The following SYT1 variants were observed in gnomAD, a reference collection of about 807,000 sequenced individuals.
SYT1 encodes the protein synaptotagmin 1.
SYT1 carries 8 observed loss-of-function variants against 44.8 expected under a neutral mutation model. The ratio of observed to expected loss-of-function variants is 0.18; its 90% CI spans 0.10 to 0.32. The LOEUF (loss-of-function observed/expected upper bound fraction) is 0.32. Among genes scored for constraint, SYT1 ranks in the 10% least tolerant of loss-of-function variants. SYT1 has a pLI of 1.00. For synonymous variants in SYT1, 154 were observed against 188.8 expected (o/e 0.82, Z 1.51); for missense variants, 286 against 509.3 (o/e 0.56, Z 4.22).
intron 3 of SYT1, among the ~76,000 whole-genome samples, chr12:79,138,850 G>A (rs1458510457): frequency 6.6e-6 from 1 of 152,176 alleles, no homozygotes; most frequent in Non-Finnish European, 1.5e-5. Flanking sequence ...GGTGAGGCAA[G>A]TGTGCCACTT....
At chr12:78,896,326 G>T (rs1412648319) in intron 1 of SYT1, among the ~76,000 whole-genome samples, 3 of 151,644 alleles carry the variant, frequency 2.0e-5, no homozygotes, top group Non-Finnish European at 4.4e-5. Flanking sequence ...GTACTTGGAA[G>T]AAAGAATATA....
intron 3 of SYT1, among the ~76,000 whole-genome samples, chr12:79,192,590 G>A (rs1451843056): frequency 6.6e-6 from 1 of 152,086 alleles, no homozygotes; most frequent in Admixed American, 6.6e-5. Flanking sequence ...GGATGCAAAG[G>A]AGGAAGAGAC....
chr12:79,386,918 A>G (rs1249672745), intron 9 of SYT1, among the ~76,000 whole-genome samples: 1 of 152,110 alleles, frequency 6.6e-6, no homozygotes, highest in Non-Finnish European at 1.5e-5. Flanking sequence ...TCAACGTTAA[A>G]TTCACATATA....
At chr12:78,958,317 GT>G (rs139992453) in intron 1 of SYT1, among the ~76,000 whole-genome samples, 2 of 150,804 alleles carry the variant, frequency 1.3e-5, no homozygotes, top group Admixed American at 6.6e-5. Flanking sequence ...TCCTTGCCAT[GT>G]TTTTTTTTCT....
At chr12:79,399,952 G>C (rs954710766) in intron 9 of SYT1, among the ~76,000 whole-genome samples, 2 of 152,194 alleles carry the variant, frequency 1.3e-5, no homozygotes, top group Non-Finnish European at 2.9e-5. Context: ...TTTAAGAGAA[G>C]CTTCTAGAGA....
At chr12:79,427,648 A>G (rs1025832645) in intron 9 of SYT1, among the ~76,000 whole-genome samples, 2 of 152,204 alleles carry the variant, frequency 1.3e-5, no homozygotes, top group African/African-American at 4.8e-5. Flanking sequence ...GAGTCAAAGG[A>G]GTTTCCGTGA....
rs17046162 is a variant in SYT1 at position 78,986,130 on chromosome 12, G to A, written c.-84+8199G>A. ...TTCTAACTAGGAAGTACATTCAAAC[G>A]GAAAATCTAAGTTTGTGTTTTTCTA... On this transcript the variant is annotated intron_variant, in intron 2 of 10. Transcript: ENST00000261205. 9.9e-5 allele frequency among the ~76,000 whole-genome samples: 15 copies of A among 151,984 alleles called. No individual in the cohort carries two copies. In the East Asian group the frequency reaches 2.3e-3, roughly 23 times the overall value.
chr12:79,103,879 C>T (rs576353569), intron 3 of SYT1, among the ~76,000 whole-genome samples: 2 of 152,222 alleles, frequency 1.3e-5, no homozygotes, highest in South Asian at 4.1e-4. Context: ...TACTTACCCA[C>T]ACCAGCAGTG....
chr12:79,106,081 A>G (rs971752885), intron 3 of SYT1, among the ~76,000 whole-genome samples: 1 of 152,162 alleles, frequency 6.6e-6, no homozygotes, highest in Non-Finnish European at 1.5e-5. Flanking sequence ...GAAGAAATTG[A>G]GTGAACTGTA....
At chr12:79,431,795 G>A (rs1296289502) in intron 9 of SYT1, among the ~76,000 whole-genome samples, 1 of 151,890 alleles carries the variant, frequency 6.6e-6, no homozygotes, top group Non-Finnish European at 1.5e-5. Context: ...CCCCTGCCTC[G>A]GCATCCCAAA....
chr12:79,434,488 G>GAAACAATTTC (rs1409986848), intron 9 of SYT1, among the ~76,000 whole-genome samples: 1 of 152,146 alleles, frequency 6.6e-6, no homozygotes, highest in Non-Finnish European at 1.5e-5. Flanking sequence ...GCCAGTGGTA[G>GAAACAATTTC]AAACAGAAAT....
In SYT1 at chr12:79,401,669, CTT is replaced by C. The variant is rs199548732; in HGVS notation, c.929-42388_929-42387del. 6.1e-4 allele frequency among the ~76,000 whole-genome samples: 84 copies of C among 138,778 alleles called. 1 individual carries two copies. Among genetic ancestry groups the C allele is most frequent in the East Asian group, 2.4e-3 (11 of 4,588 alleles). The allele number at this position is 138,778 out of a possible 152,430, so 91.0% of individuals were successfully genotyped here. A position where few individuals can be genotyped will look rare whatever the true frequency, so the allele number is the denominator to read the frequency against. On this transcript the variant is annotated intron_variant, in intron 9 of 10. Transcript: ENST00000261205. Reference sequence around the variant, plus strand: ...TAATTAAAACTCAACAAAACTCAAACTTTTTTTTTTTTTTTTTGGAGACAAGG... The same window carrying C: ...TAATTAAAACTCAACAAAACTCAAACTTTTTTTTTTTTTTTGGAGACAAGG...
At chr12:78,873,536 T>C (rs1592511629) in intron 1 of SYT1, among the ~76,000 whole-genome samples, 1 of 151,676 alleles carries the variant, frequency 6.6e-6, no homozygotes, top group Admixed American at 6.6e-5. Context: ...CACTGTGATG[T>C]TAGATAAGTC....
chr12:78,878,263 C>T (rs1331093888), intron 1 of SYT1, among the ~76,000 whole-genome samples: 1 of 151,646 alleles, frequency 6.6e-6, no homozygotes, highest in East Asian at 1.9e-4. Context: ...AAAAAATAGA[C>T]AATGAAGATT....
At chr12:79,138,461 G>A (rs558778731) in intron 3 of SYT1, among the ~76,000 whole-genome samples, 2 of 152,218 alleles carry the variant, frequency 1.3e-5, no homozygotes, top group Admixed American at 1.3e-4. Flanking sequence ...TAGTTTATTG[G>A]TTTATAAAAA....
At chr12:79,366,181 A>G (rs1286806972) in intron 9 of SYT1, among the ~76,000 whole-genome samples, 1 of 152,262 alleles carries the variant, frequency 6.6e-6, no homozygotes, top group Non-Finnish European at 1.5e-5. Flanking sequence ...CCTAAAGGGC[A>G]ATAATATATC....
rs1005018974 is a variant in SYT1, at chr12:79,178,955, G to T, written c.-17-38548G>T. On this transcript the variant is annotated intron_variant, in intron 3 of 10. Coordinates refer to ENST00000261205, the MANE Select transcript of SYT1 (RefSeq NM_005639.3). ...CTATATAGATATAGATATAGATATA[G>T]ATATAGATATAGATATATAGATATA... is the stretch of plus-strand genomic sequence containing the variant. 5.1e-3 allele frequency among the ~76,000 whole-genome samples: 242 copies of T among 47,418 alleles called. 35 individuals are homozygous for T. The highest frequency in any genetic ancestry group is 0.015 in the African/African-American group (121 of 7,828). The allele number at this position is 47,418 out of a possible 152,430, so 31.1% of individuals were successfully genotyped here. A position where few individuals can be genotyped will look rare whatever the true frequency, so the allele number is the denominator to read the frequency against.
intron 4 of SYT1, among the ~76,000 whole-genome samples, chr12:79,233,399 T>C (rs1875986168): frequency 6.6e-6 from 1 of 152,226 alleles, no homozygotes; most frequent in South Asian, 2.1e-4. Context: ...TTTCCTCCAG[T>C]GGGTACTTGT....
At chr12:79,249,863 T>C (rs1797304735) in intron 4 of SYT1, among the ~76,000 whole-genome samples, 2 of 152,110 alleles carry the variant, frequency 1.3e-5, no homozygotes, top group Admixed American at 1.3e-4. Context: ...TATCAAAGTT[T>C]TGAACCCCAA....
Sources: gnomAD v4.1 joint callset for allele counts (sites outside exome capture counted in the v4.1 genomes callset) on GRCh38, gnomAD v4.1.1 for gene constraint, MANE v1.5 for transcripts, NCBI Gene and HGNC (gene_info 2026-07-23, HGNC 2026-07-21) for gene names.